Variants in TLCD4 observed in about 807,000 individuals in gnomAD.
The protein encoded by TLCD4 is TLC domain containing 4, also known as TLC domain-containing protein 4.
A neutral mutation model predicts 24.2 loss-of-function variants in TLCD4; 7 were observed. The observed-to-expected ratio is 0.29, with a 90% CI of 0.16 to 0.54. The LOEUF is 0.54. TLCD4 is among the 20% of genes least tolerant of loss of function. The pLI is 0.95. For missense variants in TLCD4, 259 were observed against 313.9 expected (o/e 0.82, Z 1.32); for synonymous variants, 103 against 106.4 (o/e 0.97, Z 0.20).
At chr1:95,118,735 C>T (rs960846310) in intron 1 of TLCD4, among the ~76,000 whole-genome samples, 1 of 152,176 alleles carries the variant, frequency 6.6e-6, no homozygotes, top group East Asian at 1.9e-4. Flanking sequence ...TAGAGAATCC[C>T]AGCTCCCTTT....
In TLCD4 at chr1:95,192,429, T is replaced by C. The variant is rs1679057890; in HGVS notation, c.*561T>C. 1 of 152,314 alleles carries C rather than the reference T, an allele frequency of 6.6e-6. No individual in the cohort carries two copies. 9.4% of individuals were successfully genotyped at this position (152,314 alleles called of 1,614,324 possible). Reference sequence around the variant, plus strand: ...AAGGTTTAAATAAAAATGATCAATATAATGGTGAATCTTTTGAGAAATCTC... The same window carrying C: ...AAGGTTTAAATAAAAATGATCAATACAATGGTGAATCTTTTGAGAAATCTC... On this transcript the variant is annotated 3_prime_UTR_variant, in exon 7 of 7. Coordinates refer to ENST00000370203, the MANE Select transcript of TLCD4 (RefSeq NM_152487.3).
At chr1:95,118,581 T>G (rs1676492735) in intron 1 of TLCD4, among the ~76,000 whole-genome samples, 1 of 152,208 alleles carries the variant, frequency 6.6e-6, no homozygotes, top group Non-Finnish European at 1.5e-5. Flanking sequence ...AAAAAAGATT[T>G]AATAAAATCT....
intron 1 of TLCD4, among the ~76,000 whole-genome samples, chr1:95,127,265 C>T (rs995354586): frequency 1.3e-5 from 2 of 152,146 alleles, no homozygotes; most frequent in Non-Finnish European, 2.9e-5. Flanking sequence ...TCATTTAATA[C>T]CACTTCCTTT....
intron 5 of TLCD4, chr1:95,165,195 A>G (rs552837674): frequency 6.6e-6 from 1 of 152,194 alleles, no homozygotes; most frequent in Non-Finnish European, 1.5e-5. Context: ...TCCTCAAATG[A>G]TACCTAAGAA....
rs749377878 is a variant in TLCD4 at position 95,144,011 on chromosome 1, G to A, written c.110G>A (p.Gly37Asp). 148 of 1,565,978 alleles carry A rather than the reference G, an allele frequency of 9.5e-5. No individual in the cohort carries two copies. Among genetic ancestry groups the A allele is most frequent in the Non-Finnish European group, 1.2e-4 (138 of 1,157,684 alleles). The change falls in exon 2 of 7, where the codon GGT (glycine) becomes GAT (aspartate). Residue 37 changes from glycine (G) to aspartate (D), a missense_variant. By Grantham distance (94) the Gly-to-Asp change is moderately conservative (BLOSUM62 -1). Transcript: ENST00000370203. ...TGGTTTTCAGCAAAAGTTTCTCCAG[G>A]TTTCAATAGTCTCAGCTTCAAAAAG... ...SYWFSAKVSP[G>D]FNSLSFKKKI...
chr1:95,125,059 C>T (rs372317781), intron 1 of TLCD4, among the ~76,000 whole-genome samples: 1 of 152,284 alleles, frequency 6.6e-6, no homozygotes, highest in African/African-American at 2.4e-5. Flanking sequence ...CAGCTTGACC[C>T]TGTTTCATAA....
chr1:95,132,498 T>C (rs1676925698), intron 1 of TLCD4, among the ~76,000 whole-genome samples: 1 of 149,932 alleles, frequency 6.7e-6, no homozygotes, highest in Non-Finnish European at 1.5e-5. Context: ...GATGTTCTGT[T>C]ACAGCACCAC....
At chr1:95,166,440 T>C (rs192310126) in intron 5 of TLCD4, among the ~76,000 whole-genome samples, 1 of 152,364 alleles carries the variant, frequency 6.6e-6, no homozygotes, top group East Asian at 1.9e-4. Flanking sequence ...ATTTTCCTTT[T>C]CATCCTGGAT....
chr1:95,094,374 A>T, the TLCD4 span, among the ~76,000 whole-genome samples: 29 of 150,932 alleles, frequency 1.9e-4, no homozygotes, highest in South Asian at 4.6e-3. Flanking sequence ...GGCTCAAGTG[A>T]TCCTCCTACC....
At chr1:95,126,841 C>A (rs1676750434) in intron 1 of TLCD4, among the ~76,000 whole-genome samples, 1 of 152,144 alleles carries the variant, frequency 6.6e-6, no homozygotes, top group Admixed American at 6.5e-5. Flanking sequence ...CCATCAAAGC[C>A]TCTCTTCTGT....
At chr1:95,182,616 T>C (rs549701944) in intron 6 of TLCD4, among the ~76,000 whole-genome samples, 1 of 152,332 alleles carries the variant, frequency 6.6e-6, no homozygotes, top group South Asian at 2.1e-4. Context: ...CCAACAGTTT[T>C]ATTTACTAGC....
chr1:95,102,838 A>G, the TLCD4 span, among the ~76,000 whole-genome samples: 3 of 152,170 alleles, frequency 2.0e-5, no homozygotes, highest in Non-Finnish European at 2.9e-5. Context: ...TGAGATGGAA[A>G]GCTCAAGGGC....
intron 1 of TLCD4, among the ~76,000 whole-genome samples, chr1:95,122,611 CT>C (rs1314498810): frequency 6.6e-5 from 10 of 152,188 alleles, no homozygotes; most frequent in Non-Finnish European, 8.8e-5. Flanking sequence ...AACTCTCCCC[CT>C]ATCCCCCACC....
At chr1:95,150,152 A>G in intron 3 of TLCD4, 56 bp from the exon 4 acceptor site, 1 of 1,556,618 alleles carries the variant, frequency 6.4e-7, no homozygotes, top group South Asian at 1.2e-5. Context: ...AGAAAAAAGA[A>G]GTAGCGGTCA....
upstream of TLCD4, among the ~76,000 whole-genome samples, chr1:95,113,041 T>A (rs1301839209): frequency 4.6e-5 from 7 of 151,006 alleles, no homozygotes; most frequent in Non-Finnish European, 1.0e-4. Context: ...TTTCTTTTCT[T>A]TCTTTTTTTT....
intron 6 of TLCD4, chr1:95,174,238 A>T (rs532872549): frequency 4.7e-6 from 1 of 214,028 alleles, no homozygotes; most frequent in African/African-American, 2.3e-5. Flanking sequence ...CTTTATGGAA[A>T]AGGACAAATA....
intron 1 of TLCD4, among the ~76,000 whole-genome samples, chr1:95,129,640 G>T (rs1446311591): frequency 4.6e-5 from 7 of 152,170 alleles, no homozygotes; most frequent in Non-Finnish European, 8.8e-5. Context: ...TACTCAGGAG[G>T]CTGAGACACG....
intron 1 of TLCD4, among the ~76,000 whole-genome samples, chr1:95,136,732 G>A (rs113256137): frequency 1.3e-5 from 2 of 152,114 alleles, no homozygotes; most frequent in African/African-American, 4.8e-5. Context: ...TGGGATCAAG[G>A]TATCCTTCAC....
intron 5 of TLCD4, among the ~76,000 whole-genome samples, chr1:95,160,200 T>G (rs1048360661): frequency 6.6e-6 from 1 of 152,180 alleles, no homozygotes; most frequent in African/African-American, 2.4e-5. Flanking sequence ...GGTTTGTAGT[T>G]CTCCTTGAAG....
Sources: gnomAD v4.1 joint callset for allele counts (sites outside exome capture counted in the v4.1 genomes callset) on GRCh38, gnomAD v4.1.1 for gene constraint, MANE v1.5 for transcripts, NCBI Gene and HGNC (gene_info 2026-07-23, HGNC 2026-07-21) for gene names.